The following RGS6 variants were observed in gnomAD, a reference collection of about 807,000 sequenced individuals.
RGS6 encodes the protein regulator of G protein signaling 6.
RGS6 carries 30 observed loss-of-function variants against 78.5 expected under a neutral mutation model. The ratio of observed to expected loss-of-function variants is 0.38; its 90% CI spans 0.29 to 0.52. RGS6 has a LOEUF of 0.52. Among genes scored for constraint, RGS6 ranks in the 20% least tolerant of loss-of-function variants. The pLI, the probability that RGS6 is intolerant of heterozygous loss-of-function variation, is 0.85. For synonymous variants in RGS6, 206 were observed against 206.0 expected (o/e 1.00, Z 0.00); for missense variants, 495 against 609.7 (o/e 0.81, Z 1.98).
intron 2 of RGS6, among the ~76,000 whole-genome samples, chr14:72,199,756 G>T (rs531249279): frequency 1.6e-4 from 25 of 152,264 alleles, no homozygotes; most frequent in Middle Eastern, 3.4e-3. Flanking sequence ...GATGTACAGG[G>T]TCTAAGTGGT....
At chr14:72,127,442 A>G (rs2096223019) in intron 2 of RGS6, among the ~76,000 whole-genome samples, 1 of 152,190 alleles carries the variant, frequency 6.6e-6, no homozygotes, top group Non-Finnish European at 1.5e-5. Flanking sequence ...TTCTCAAACT[A>G]TGGTTTGAAA....
At chr14:71,948,147 A>G (rs961420056) in intron 1 of RGS6, among the ~76,000 whole-genome samples, 1 of 152,168 alleles carries the variant, frequency 6.6e-6, no homozygotes, top group Admixed American at 6.5e-5. Flanking sequence ...TCCTCCTTCT[A>G]TGGCACGAGA....
rs60165406 is a variant in RGS6 at position 72,461,755 on chromosome 14, G to C, written c.394+2072G>C. Among the ~76,000 whole-genome samples the C allele has an allele frequency of 7.6e-3, 1,158 of 152,260 alleles. 13 individuals are homozygous for C. The highest frequency in any genetic ancestry group is 0.026 in the African/African-American group (1,099 of 41,534). On this transcript the variant is annotated intron_variant, in intron 6 of 17. Transcript: ENST00000553525. Reference sequence around the variant, plus strand: ...AGCAGTTTAGTTAGAAAATCAGGATGTATTTATGAAGAGAGAATCCAGCAC... The same window carrying C: ...AGCAGTTTAGTTAGAAAATCAGGATCTATTTATGAAGAGAGAATCCAGCAC...
downstream of RGS6, among the ~76,000 whole-genome samples, chr14:72,567,896 C>T (rs143093759): frequency 4.4e-3 from 667 of 152,354 alleles, 7 homozygotes; most frequent in African/African-American, 0.015. Context: ...CAGCTGGGCC[C>T]GTTCCCTGTA....
At chr14:71,931,362 A>G (rs962464525), upstream of RGS6, among the ~76,000 whole-genome samples, 6 of 151,762 alleles carry the variant, frequency 4.0e-5, no homozygotes, top group African/African-American at 1.5e-4. Flanking sequence ...TTTATTATCC[A>G]TTTCTAATGT....
At chr14:72,426,308 A>G (rs570875683) in intron 3 of RGS6, among the ~76,000 whole-genome samples, 1 of 152,318 alleles carries the variant, frequency 6.6e-6, no homozygotes, top group African/African-American at 2.4e-5. Context: ...CACATAATTA[A>G]TAAAGAGTAA....
At chr14:72,173,936 T>A (rs900608852) in intron 2 of RGS6, among the ~76,000 whole-genome samples, 3 of 152,162 alleles carry the variant, frequency 2.0e-5, no homozygotes, top group Non-Finnish European at 4.4e-5. Flanking sequence ...TAATACACTC[T>A]TAGATGTGTA....
intron 2 of RGS6, among the ~76,000 whole-genome samples, chr14:72,246,580 C>A (rs2054267996): frequency 6.6e-6 from 1 of 152,038 alleles, no homozygotes; most frequent in Admixed American, 6.5e-5. Flanking sequence ...TTTATGTTTG[C>A]CATTATTTTT....
chr14:72,544,247 GGGA>G, intron 17 of RGS6, among the ~76,000 whole-genome samples: 1 of 152,332 alleles, frequency 6.6e-6, no homozygotes, highest in East Asian at 1.9e-4. Flanking sequence ...CTCCAATCTG[GGGA>G]GGAGAAGCTG....
the RGS6 span, among the ~76,000 whole-genome samples, chr14:71,920,478 T>C: frequency 2.0e-5 from 3 of 151,820 alleles, no homozygotes; most frequent in African/African-American, 7.3e-5. Flanking sequence ...TATGATGGAG[T>C]CGAGGTCTAC....
At chr14:72,112,631 A>G (rs1407613823) in intron 2 of RGS6, among the ~76,000 whole-genome samples, 1 of 152,370 alleles carries the variant, frequency 6.6e-6, no homozygotes, top group Admixed American at 6.5e-5. Flanking sequence ...TTTTACAGGC[A>G]TCATTTCAGT....
chr14:72,403,046 C>T (rs2092609265), intron 3 of RGS6, among the ~76,000 whole-genome samples: 1 of 151,866 alleles, frequency 6.6e-6, no homozygotes, highest in East Asian at 1.9e-4. Flanking sequence ...CCACTTTGGC[C>T]TCCCAAAGTG....
chr14:72,321,250 G>A (rs2071920385), intron 2 of RGS6, among the ~76,000 whole-genome samples: 1 of 151,710 alleles, frequency 6.6e-6, no homozygotes, highest in African/African-American at 2.4e-5. Flanking sequence ...TGCCCAAATA[G>A]CACAAGGAAT....
intron 2 of RGS6, among the ~76,000 whole-genome samples, chr14:72,071,271 A>T (rs2094398103): frequency 6.6e-6 from 1 of 152,212 alleles, no homozygotes; most frequent in Non-Finnish European, 1.5e-5. Flanking sequence ...TATTCAACAC[A>T]ATTTAACTAT....
intron 2 of RGS6, among the ~76,000 whole-genome samples, chr14:72,193,057 A>G (rs916830498): frequency 1.3e-5 from 2 of 151,220 alleles, no homozygotes; most frequent in African/African-American, 4.9e-5. Context: ...CAGTGGCACA[A>G]TCTCAGCTCA....
the RGS6 span, among the ~76,000 whole-genome samples, chr14:71,912,515 A>G: frequency 2.0e-5 from 3 of 152,194 alleles, no homozygotes; most frequent in Non-Finnish European, 4.4e-5. Flanking sequence ...CCAAAACTGA[A>G]GAAGGAGGAA....
the RGS6 span, among the ~76,000 whole-genome samples, chr14:71,925,345 CA>C: frequency 4.6e-5 from 7 of 152,270 alleles, no homozygotes; most frequent in East Asian, 1.3e-3. Context: ...TATTTCCTCC[CA>C]TTCCGTAGGT....
intron 5 of RGS6, among the ~76,000 whole-genome samples, chr14:72,458,669 C>T (rs1422652612): frequency 6.6e-6 from 1 of 152,316 alleles, no homozygotes; most frequent in Admixed American, 6.5e-5. Context: ...AAAAAATTTA[C>T]TTCTCATGGT....
chr14:72,156,619 T>C (rs966478510), intron 2 of RGS6, among the ~76,000 whole-genome samples: 1 of 152,138 alleles, frequency 6.6e-6, no homozygotes, highest in African/African-American at 2.4e-5. Flanking sequence ...GGACAAGATG[T>C]GTCTGCTAAG....
Sources: gnomAD v4.1 joint callset for allele counts (sites outside exome capture counted in the v4.1 genomes callset) on GRCh38, gnomAD v4.1.1 for gene constraint, MANE v1.5 for transcripts, NCBI Gene and HGNC (gene_info 2026-07-23, HGNC 2026-07-21) for gene names.